Variants in MEAF6 observed in about 807,000 individuals in gnomAD.
MEAF6 encodes the protein chromatin modification-related protein MEAF6.
MEAF6 carries 15 observed loss-of-function variants against 28.9 expected under a neutral mutation model. The ratio of observed to expected loss-of-function variants is 0.52; its 90% confidence interval spans 0.35 to 0.80. The LOEUF (loss-of-function observed/expected upper bound fraction) is 0.80, where lower values mean the gene tolerates loss of function less well. Among genes scored for constraint, MEAF6 ranks in the 30% least tolerant of loss-of-function variants. The pLI is 0.01. For missense variants in MEAF6, 178 were observed against 237.5 expected (o/e 0.75, Z 1.65); for synonymous variants, 97 against 88.7 (o/e 1.09, Z -0.53).
chr1:37,494,170 G>GA (rs1009856327), intron 6 of MEAF6, 63 bp from the exon 7 acceptor site: 2,349 of 1,317,676 alleles, frequency 1.8e-3, no homozygotes, highest in Middle Eastern at 2.1e-3. Flanking sequence ...GACCCTAAAG[G>GA]AAAAAAAAAA....
rs1641926002 is a variant in MEAF6 at position 37,491,457 on chromosome 1, G to A, written c.*2642C>T. Among the ~76,000 whole-genome samples the A allele has an allele frequency of 6.6e-6, 1 of 152,240 alleles. No homozygotes were observed. Among genetic ancestry groups the A allele is most frequent in the Non-Finnish European group, 1.5e-5 (1 of 68,048 alleles). ...TAATCCCAGCACTTTGGGAGGCCAA[G>A]GCAGAAGGACTGCTTGAGGCCAGGA... On this transcript the variant is annotated 3_prime_UTR_variant, in exon 7 of 7. Coordinates refer to ENST00000296214, the MANE Select transcript of MEAF6 (RefSeq NM_001270875.3).
At chr1:37,507,601 T>C (rs890556500) in intron 4 of MEAF6, among the ~76,000 whole-genome samples, 3 of 152,122 alleles carry the variant, frequency 2.0e-5, no homozygotes, top group Non-Finnish European at 2.9e-5. Context: ...ACAAAAAATC[T>C]GTGAAGACAA....
At chr1:37,503,766 C>A (rs1569972488) in intron 4 of MEAF6, among the ~76,000 whole-genome samples, 1 of 151,474 alleles carries the variant, frequency 6.6e-6, no homozygotes, top group Admixed American at 6.6e-5. Flanking sequence ...GAGTTCAAGA[C>A]CAGCCTGGTC....
chr1:37,513,767 C>T (rs531398858), intron 1 of MEAF6: 5 of 569,552 alleles, frequency 8.8e-6, no homozygotes, highest in Admixed American at 3.0e-5. Context: ...CAGAAAAATA[C>T]ACACACACGC....
chr1:37,493,940 G>A lies in MEAF6; in HGVS notation c.*159C>T, dbSNP rs1642027887. The stretch of plus-strand genomic sequence containing the variant: ...AATGTCTTACAGAAATGACTTGTTT[G>A]TCACCACATTTAGAACAAACTACTC... On this transcript the variant is annotated 3_prime_UTR_variant, in exon 7 of 7. Coordinates refer to ENST00000296214, the MANE Select transcript of MEAF6 (RefSeq NM_001270875.3). 2 of 1,576,490 alleles carry A rather than the reference G, an allele frequency of 1.3e-6. No individual in the cohort carries two copies. Among genetic ancestry groups the A allele is most frequent in the Non-Finnish European group, 1.7e-6 (2 of 1,164,160 alleles).
At chr1:37,496,523 T>C in intron 5 of MEAF6, 1 of 1,307,334 alleles carries the variant, frequency 7.6e-7, no homozygotes, top group Non-Finnish European at 1.0e-6. Flanking sequence ...TTAATTTTGC[T>C]TAAGTTATTA....
chr1:37,494,697 G>A (rs1377582389), intron 6 of MEAF6, among the ~76,000 whole-genome samples: 4 of 151,560 alleles, frequency 2.6e-5, no homozygotes, highest in African/African-American at 9.7e-5. Flanking sequence ...CAGGTGTGGT[G>A]GCTCATGCCT....
chr1:37,509,309 C>G lies in MEAF6; in HGVS notation c.309G>C (p.Leu103Phe), dbSNP rs760714311. ...CAATGAGCTGGTCCTGAACTCCTGCCAATGCACTTACTGCCTAAAAGAAAA... is the reference window on the plus strand; with the variant it reads ...CAATGAGCTGGTCCTGAACTCCTGCGAATGCACTTACTGCCTAAAAGAAAA... Reference protein sequence around the residue: ...SVTSAAAVSALAGVQDQLIEK... With the variant: ...SVTSAAAVSAFAGVQDQLIEK... Residue 103 changes from leucine to phenylalanine, a missense_variant, in exon 4 of 7, where the codon TTG (leucine) becomes TTC (phenylalanine). By Grantham distance (22) the Leu-to-Phe change is conservative (BLOSUM62 0). Transcript: ENST00000296214. 4 of 1,614,008 alleles carry G rather than the reference C, an allele frequency of 2.5e-6. No homozygotes were observed. Among genetic ancestry groups the G allele is most frequent in the Non-Finnish European group, 3.4e-6 (4 of 1,179,966 alleles).
chr1:37,501,556 T>A (rs1272190852), intron 5 of MEAF6: 2 of 362,436 alleles, frequency 5.5e-6, no homozygotes, highest in African/African-American at 4.2e-5. Context: ...GAAACAAGGT[T>A]TTTATGGAAT....
rs534017942 is a variant in MEAF6, at chr1:37,492,068, G to A, written c.*2031C>T. On this transcript the variant is annotated 3_prime_UTR_variant, in exon 7 of 7. Coordinates refer to ENST00000296214, the MANE Select transcript of MEAF6 (RefSeq NM_001270875.3). Reference sequence around the variant, plus strand: ...TTTTGAGATGGAGTCTCGCTCTGTCGCCCAGGCTGGAGTGCAGTGGCACTA... The same window carrying A: ...TTTTGAGATGGAGTCTCGCTCTGTCACCCAGGCTGGAGTGCAGTGGCACTA... Among the ~76,000 whole-genome samples, 32 of 150,430 alleles carry A rather than the reference G, an allele frequency of 2.1e-4. No individual in the cohort carries two copies. Among genetic ancestry groups the A allele is most frequent in the Non-Finnish European group, 3.0e-4 (20 of 67,792 alleles).
rs1221552737 is a variant in MEAF6, at chr1:37,513,512, C to A, written c.117G>T (p.Gln39His). ...GGTAGCTTCCCTCAAAAGCATAGAT[C>A]TGTCGCTCCAAATTTGCCAATGTTT... ...LAETLANLER[Q>H]IYAFEGSYLE... is the part of the protein sequence containing the mutation. The change falls in exon 2 of 7, where the codon CAG (glutamine) becomes CAT (histidine). Residue 39 changes from glutamine to histidine, a missense_variant. Around this residue, in one of 2 missense-constraint regions of MEAF6, gnomAD observed 124 missense variants for 200.5 expected, o/e 0.62. Transcript: ENST00000296214. 1 of 1,614,062 alleles carries A rather than the reference C, an allele frequency of 6.2e-7. No individual in the cohort carries two copies. The highest frequency in any genetic ancestry group is 8.5e-7 in the Non-Finnish European group (1 of 1,180,018).
chr1:37,509,587 T>C (rs748066701), intron 2 of MEAF6, 45 bp from the exon 3 acceptor site: 4 of 1,538,800 alleles, frequency 2.6e-6, no homozygotes, highest in Non-Finnish European at 2.7e-6. Context: ...GCTATGTCTA[T>C]GGCTCAAGCT....
intron 6 of MEAF6, 107 bp from the exon 7 acceptor site, chr1:37,494,214 T>A: frequency 1.1e-6 from 1 of 916,146 alleles, no homozygotes. Flanking sequence ...GACTGCTCTA[T>A]AGCTAAAGAT....
intron 5 of MEAF6, among the ~76,000 whole-genome samples, chr1:37,498,409 TTTATTATTATTATTA>T (rs35576307): frequency 1.5e-4 from 18 of 122,528 alleles, no homozygotes; most frequent in South Asian, 5.5e-4. Context: ...TATGTTATTT[TTTATTATTATTATTA>T]TTATTATTAT....
chr1:37,508,847 A>C (rs926718643), intron 4 of MEAF6, among the ~76,000 whole-genome samples: 2 of 152,206 alleles, frequency 1.3e-5, no homozygotes, highest in African/African-American at 4.8e-5. Flanking sequence ...CTCTACTCCC[A>C]ACACTTTGGG....
chr1:37,495,800 A>G, intron 6 of MEAF6, 85 bp downstream of exon 6: 2 of 1,338,034 alleles, frequency 1.5e-6, no homozygotes, highest in Non-Finnish European at 2.1e-6. Context: ...CCAGGTTAGG[A>G]ACACTCAAGC....
At position 37,490,250 on chromosome 1, in the gene MEAF6, T is replaced by G. The variant is rs999089470; in HGVS notation, c.*3849A>C. ...ACTCCACCACAGCCCACTTTAGTGG[T>G]GACAACTTTTAATCCACGGAAGCAG... On this transcript the variant is annotated 3_prime_UTR_variant, in exon 7 of 7. Transcript: ENST00000296214. Among the ~76,000 whole-genome samples the G allele has an allele frequency of 2.6e-4, 39 of 151,382 alleles. No homozygotes were observed. The highest frequency in any genetic ancestry group is 9.5e-4 in the African/African-American group (39 of 41,224).
chr1:37,496,284 G>A (rs1387111987), intron 5 of MEAF6, among the ~76,000 whole-genome samples: 1 of 152,162 alleles, frequency 6.6e-6, no homozygotes, highest in Non-Finnish European at 1.5e-5. Flanking sequence ...AAATTACTGA[G>A]ACACATGGTG....
intron 6 of MEAF6, 46 bp from the exon 7 acceptor site, chr1:37,494,153 G>C: frequency 6.5e-7 from 1 of 1,531,818 alleles, no homozygotes. Context: ...CGGCAGAACA[G>C]TTGTTTGACC....
Sources: allele counts gnomAD v4.1 joint callset (sites outside exome capture counted in the v4.1 genomes callset), GRCh38; gene constraint gnomAD v4.1.1; regional missense constraint gnomAD v4.1.1; transcripts MANE v1.5; gene names NCBI Gene and HGNC (gene_info 2026-07-23, HGNC 2026-07-21).